MICAL2: variants seen among roughly 807,000 people sequenced by gnomAD.
MICAL2 encodes the protein microtubule associated monooxygenase, calponin and LIM domain containing 2.
Under a neutral mutation model 127.3 loss-of-function variants are expected in MICAL2, and 77 were observed. The ratio of observed to expected loss-of-function variants is 0.60; its 90% CI spans 0.50 to 0.73. The LOEUF (loss-of-function observed/expected upper bound fraction) is 0.73. MICAL2 is among the 30% of genes least tolerant of loss of function. MICAL2 has a pLI of 0.00. For missense variants in MICAL2, 1,351 were observed against 1,434.4 expected, an observed-to-expected ratio of 0.94 and a Z score of 0.94; for synonymous variants, 570 against 551.1, an observed-to-expected ratio of 1.03 and a Z score of -0.48.
intron 21 of MICAL2, among the ~76,000 whole-genome samples, chr11:12,247,622 G>A (rs1313276545): frequency 2.0e-5 from 3 of 152,196 alleles, no homozygotes; most frequent in Admixed American, 6.5e-5. Context: ...GTCTTAGAAA[G>A]GATATTGCCA....
At chr11:12,253,388 C>T (rs760276274) in intron 22 of MICAL2, 4 of 152,304 alleles carry the variant, frequency 2.6e-5, no homozygotes, top group African/African-American at 4.8e-5. Context: ...AGTGTGCGCC[C>T]ATTCCACATA....
chr11:12,222,645 A>G lies in MICAL2; in HGVS notation c.1351A>G (p.Thr451Ala). 1.2e-6 allele frequency: 2 copies of G among 1,614,240 alleles called. No homozygotes were observed. Among genetic ancestry groups the G allele is most frequent in the Non-Finnish European group, 1.7e-6 (2 of 1,180,042 alleles). Residue 451 changes from threonine to alanine, a missense_variant, in exon 11 of 28, where the codon ACA (threonine) becomes GCA (alanine). Thr to Ala is a moderately conservative substitution (Grantham distance 58). Coordinates refer to ENST00000683283, the MANE Select transcript of MICAL2 (RefSeq NM_001282663.2). ...RESLYRLLPQ[T>A]TPENINKNFE... is the part of the protein sequence containing the mutation. ...AAGTCTCTACCGGCTGTTACCTCAG[A>G]CAACCCCGGAGAACATCAACAAGAA...
chr11:12,205,380 AC>A, intron 4 of MICAL2, among the ~76,000 whole-genome samples: 1 of 152,286 alleles, frequency 6.6e-6, no homozygotes, highest in East Asian at 1.9e-4. Flanking sequence ...GTTTTTTTCA[AC>A]CAAACACCTG....
intron 11 of MICAL2, 57 bp from the exon 12 acceptor site, chr11:12,223,354 C>G (rs1042681080): frequency 2.7e-6 from 4 of 1,499,342 alleles, no homozygotes; most frequent in Non-Finnish European, 3.7e-6. Flanking sequence ...GTTTAGGGGC[C>G]CTGAGACTAG....
chr11:12,341,725 G>A (rs555989693), intron 32 of MICAL2, among the ~76,000 whole-genome samples: 4 of 152,250 alleles, frequency 2.6e-5, no homozygotes, highest in African/African-American at 9.6e-5. Context: ...TACTTGGGAG[G>A]CTGAGGCAAA....
rs781777763 is a variant in MICAL2, at chr11:12,110,916, G to A, written c.-149+190G>A. 2.2e-4 allele frequency among the ~76,000 whole-genome samples: 33 copies of A among 152,326 alleles called. No homozygotes were observed. The highest frequency in any genetic ancestry group is 4.0e-4 in the Non-Finnish European group (27 of 68,020). ...CAGGTGGCGCTGCGACGAAGCCCGG[G>A]GCGGCCCTGGCCGGCCTCTGAACCA... On this transcript the variant is annotated intron_variant, in intron 1 of 27. Coordinates refer to ENST00000683283, the MANE Select transcript of MICAL2 (RefSeq NM_001282663.2). The surrounding 1 kb of genome is among the most constrained non-coding windows in gnomAD (Gnocchi z 4.5).
At chr11:12,358,248 G>A (rs370580762) in intron 34 of MICAL2, 51 of 1,575,174 alleles carry the variant, frequency 3.2e-5, no homozygotes, top group Middle Eastern at 1.7e-4. Context: ...GAACTCTGCC[G>A]GGGCCCAATC....
At chr11:12,346,029 T>G (rs576654443) in intron 32 of MICAL2, among the ~76,000 whole-genome samples, 1 of 152,188 alleles carries the variant, frequency 6.6e-6, no homozygotes, top group Non-Finnish European at 1.5e-5. Context: ...TCCATCTTCC[T>G]CCAGGAAGAA....
chr11:12,240,516 A>G (rs1859757667), intron 17 of MICAL2, among the ~76,000 whole-genome samples: 1 of 152,130 alleles, frequency 6.6e-6, no homozygotes, highest in Admixed American at 6.5e-5. Context: ...AAGTGAAGGA[A>G]TTTTATTATA....
chr11:12,143,842 A>G (rs1364856350), intron 2 of MICAL2, among the ~76,000 whole-genome samples: 2 of 152,242 alleles, frequency 1.3e-5, no homozygotes. Flanking sequence ...TTTGCAAGGC[A>G]AAAGTATCCA....
At chr11:12,241,379 G>A (rs1859939196) in intron 18 of MICAL2, among the ~76,000 whole-genome samples, 2 of 152,146 alleles carry the variant, frequency 1.3e-5, no homozygotes, top group Non-Finnish European at 2.9e-5. Context: ...GGTATCAATT[G>A]ACCAAATACC....
chr11:12,130,657 C>G (rs559302031), intron 1 of MICAL2, among the ~76,000 whole-genome samples: 1 of 152,316 alleles, frequency 6.6e-6, no homozygotes, highest in South Asian at 2.1e-4. Context: ...ACAAGGGGCT[C>G]AGGTCCTACA....
rs1860352606 is a variant in MICAL2 at position 12,244,024 on chromosome 11, C to T, written c.2696C>T (p.Pro899Leu). The change falls in exon 21 of 28, where the codon CCT becomes CTT. Residue 899 changes from proline to leucine, a missense_variant. Physicochemically the swap from Pro to Leu is moderately conservative, Grantham distance 98 (BLOSUM62 -3). Around this residue, in one of 2 missense-constraint regions of MICAL2, gnomAD observed 752 missense variants for 719.4 expected, o/e 1.05. Coordinates refer to ENST00000683283, the MANE Select transcript of MICAL2 (RefSeq NM_001282663.2). ...TCTAAAGGCCTGTCTCATACTCATC[C>T]TCCATCTCCTCCCTCTCGCCTTCCG... ...LLSKGLSHTHPPSPPSRLPSP... is the reference protein window; with the variant it reads ...LLSKGLSHTHLPSPPSRLPSP... 6.2e-6 allele frequency: 10 copies of T among 1,613,772 alleles called. No individual in the cohort carries two copies. The highest frequency in any genetic ancestry group is 2.2e-5 in the East Asian group (1 of 44,882).
intron 1 of MICAL2, among the ~76,000 whole-genome samples, chr11:12,134,466 C>T (rs16910588): frequency 0.029 from 4,401 of 152,286 alleles, 207 homozygotes; most frequent in African/African-American, 0.1. Context: ...TCGGTAACTT[C>T]TTCTCCCAGG....
chr11:12,201,028 C>A (rs900025172), intron 3 of MICAL2, among the ~76,000 whole-genome samples: 4 of 152,220 alleles, frequency 2.6e-5, no homozygotes, highest in African/African-American at 9.6e-5. Flanking sequence ...AGTGTCGGGG[C>A]TTGGAGTCGT....
chr11:12,242,991 T>G, intron 20 of MICAL2: 1 of 429,518 alleles, frequency 2.3e-6, no homozygotes, highest in East Asian at 4.6e-5. Context: ...AAGGAAAAAC[T>G]AAGACAGGAA....
intron 16 of MICAL2, among the ~76,000 whole-genome samples, chr11:12,238,185 G>T (rs1859352821): frequency 6.6e-6 from 1 of 152,174 alleles, no homozygotes; most frequent in Admixed American, 6.5e-5. Context: ...GTCTGTTCCT[G>T]TGAGGGACAT....
chr11:12,290,825 G>A (rs1863888707), downstream of MICAL2, among the ~76,000 whole-genome samples: 1 of 152,188 alleles, frequency 6.6e-6, no homozygotes, highest in East Asian at 1.9e-4. Context: ...TGATGTATGG[G>A]GGAAGGCAGG....
At chr11:12,357,936 G>T (rs1187431234) in intron 34 of MICAL2, among the ~76,000 whole-genome samples, 1 of 152,160 alleles carries the variant, frequency 6.6e-6, no homozygotes, top group Admixed American at 6.5e-5. Flanking sequence ...CTTTGCTGTG[G>T]CTCAGCTATG....
Sources: gnomAD v4.1 joint callset for allele counts (sites outside exome capture counted in the v4.1 genomes callset) on GRCh38, gnomAD v4.1.1 for gene constraint, gnomAD v4.1.1 regional missense constraint, Gnocchi (gnomAD v3.1) non-coding constraint, MANE v1.5 for transcripts, NCBI Gene and HGNC (gene_info 2026-07-23, HGNC 2026-07-21) for gene names.